TNN: variants seen among roughly 807,000 people sequenced by gnomAD.
The protein encoded by TNN is tenascin N, also known as tenascin-N.
A neutral mutation model predicts 134.4 loss-of-function variants in TNN; 122 were observed. The observed-to-expected ratio is 0.91, with a 90% CI of 0.78 to 1.06. The LOEUF (loss-of-function observed/expected upper bound fraction) is 1.06, where lower values mean the gene tolerates loss of function less well. TNN is among the 50% of genes least tolerant of loss of function. The probability of loss-of-function intolerance (pLI) is 0.00; values close to 1 mark genes in which losing one functional copy is unlikely to be tolerated. For synonymous variants in TNN, 710 were observed against 670.3 expected (o/e 1.06, Z -0.91); for missense variants, 1,739 against 1,699.4 (o/e 1.02, Z -0.41).
intron 16 of TNN, 106 bp downstream of exon 16, chr1:175,136,047 A>G: frequency 2.6e-6 from 2 of 777,586 alleles, no homozygotes; most frequent in Non-Finnish European, 4.5e-6. Context: ...GAGAGGCCCC[A>G]GTGGCAGGGA....
At chr1:175,143,895 C>T (rs190982703) in intron 17 of TNN, among the ~76,000 whole-genome samples, 7 of 151,426 alleles carry the variant, frequency 4.6e-5, no homozygotes, top group African/African-American at 7.3e-5. Context: ...GAGAGAAGGC[C>T]GAGGGTGGCT....
At chr1:175,117,323 G>A in intron 10 of TNN, 118 bp downstream of exon 10, 1 of 1,528,790 alleles carries the variant, frequency 6.5e-7, no homozygotes, top group Non-Finnish European at 8.8e-7. Flanking sequence ...GAGTGGGATG[G>A]CATCCCTTCA....
chr1:175,116,713 T>C lies in TNN; in HGVS notation c.2120-226T>C, dbSNP rs1675174653. Among the ~76,000 whole-genome samples the C allele has an allele frequency of 2.0e-5, 3 of 152,212 alleles. No individual in the cohort carries two copies. In the South Asian group the frequency reaches 6.2e-4, roughly 32 times the overall value. On this transcript the variant is annotated intron_variant, in intron 9 of 18. Transcript: ENST00000239462. ...TGGGCTGGAACTAGAACCCAGTGCT[T>C]CTGACTTTGGATTTAGTTCTCATAC...
rs548527144 is a variant in TNN, at chr1:175,089,400, C to T, written c.1324+3906C>T. On this transcript the variant is annotated intron_variant, in intron 6 of 18. Transcript: ENST00000239462. ...ACATGCTCAAAGTGCGCTGGAACAC[C>T]TTCCAGAAAGGCCAGCCTCAGAAGC... Among the ~76,000 whole-genome samples the T allele has an allele frequency of 2.0e-3, 311 of 152,316 alleles. 3 individuals carry two copies. The highest frequency in any genetic ancestry group is 7.3e-3 in the African/African-American group (303 of 41,572).
chr1:175,091,809 C>T (rs1229318118), intron 6 of TNN, among the ~76,000 whole-genome samples: 3 of 152,076 alleles, frequency 2.0e-5, no homozygotes, highest in Admixed American at 6.5e-5. Flanking sequence ...AGGCTAGTCT[C>T]GAACTCCTGG....
At chr1:175,116,839 C>T in intron 9 of TNN, 100 bp from the exon 10 acceptor site, 1 of 1,515,302 alleles carries the variant, frequency 6.6e-7, no homozygotes, top group Non-Finnish European at 9.1e-7. Flanking sequence ...TATGGAGAAA[C>T]CATAAGAACA....
chr1:175,127,972 A>G, intron 13 of TNN, 60 bp from the exon 14 acceptor site: 1 of 1,597,056 alleles, frequency 6.3e-7, no homozygotes, highest in Non-Finnish European at 8.6e-7. Context: ...GTTGACACCT[A>G]GGGTGCTAGT....
At chr1:175,117,972 A>G (rs1180325832) in intron 10 of TNN, among the ~76,000 whole-genome samples, 1 of 152,220 alleles carries the variant, frequency 6.6e-6, no homozygotes, top group Non-Finnish European at 1.5e-5. Flanking sequence ...AATCTATGAT[A>G]TGCTAGAGAA....
chr1:175,116,581 C>T (rs1440484233), intron 9 of TNN, among the ~76,000 whole-genome samples: 2 of 152,198 alleles, frequency 1.3e-5, no homozygotes, highest in Non-Finnish European at 2.9e-5. Context: ...GAAGCTGAGG[C>T]CCAGCCAGGA....
At chr1:175,140,910 C>T (rs1351998388) in intron 17 of TNN, among the ~76,000 whole-genome samples, 1 of 152,162 alleles carries the variant, frequency 6.6e-6, no homozygotes, top group African/African-American at 2.4e-5. Context: ...AATGCTGAGG[C>T]ACTGTTTAGA....
At position 175,136,968 on chromosome 1, in the gene TNN, G is replaced by T; in HGVS notation, c.3575G>T (p.Gly1192Val). Reference protein sequence around the residue: ...SSKERYKLTVGKYRGTAGDAL... With the variant: ...SSKERYKLTVVKYRGTAGDAL... The stretch of plus-strand genomic sequence containing the variant: ...AAGGAGCGGTATAAGCTGACAGTTG[G>T]GAAATACAGAGGCACGGCAGGTGAG... The change falls in exon 17 of 19, where the codon GGG (glycine) becomes GTG (valine). Residue 1192 changes from glycine (G) to valine (V), a missense_variant. Coordinates refer to ENST00000239462, the MANE Select transcript of TNN (RefSeq NM_022093.2). The T allele has an allele frequency of 6.2e-7, 1 of 1,614,066 alleles. No individual in the cohort carries two copies. Among genetic ancestry groups the T allele is most frequent in the East Asian group, 2.2e-5 (1 of 44,890 alleles).
Position 175,080,407 on chromosome 1 carries a change from G to A in TNN, c.1029G>A (p.Gln343=), listed in dbSNP as rs1012652409. 7 of 1,614,088 alleles carry A rather than the reference G, an allele frequency of 4.3e-6. No individual in the cohort carries two copies. Among genetic ancestry groups the A allele is most frequent in the Non-Finnish European group, 5.9e-6 (7 of 1,179,978 alleles). Residue 343 remains glutamine, a synonymous_variant, in exon 4 of 19, where the codon CAG becomes CAA. Transcript: ENST00000239462. ...AGAATGAAGTTTCTAGCAGCCCACA[G>A]CATCTACTTGCCACCACAGGTGAGG... ...NVKNEVSSSP[Q]HLLATTDLAV...
Position 175,098,887 on chromosome 1 carries a change from A to G in TNN, c.2119+292A>G, listed in dbSNP as rs1462311303. Among the ~76,000 whole-genome samples, 3 of 152,148 alleles carry G rather than the reference A, an allele frequency of 2.0e-5. No homozygotes were observed. In the East Asian group the frequency reaches 5.8e-4, roughly 29 times the overall value. ...CACTAACTGCTTCTCCTTGACAAGG[A>G]GTAAATATTAAGAAGTAACTATCAT... On this transcript the variant is annotated intron_variant, in intron 9 of 18. Transcript: ENST00000239462.
At chr1:175,112,671 G>T (rs1472720971) in intron 9 of TNN, among the ~76,000 whole-genome samples, 1 of 123,000 alleles carries the variant, frequency 8.1e-6, no homozygotes, top group East Asian at 2.8e-4. Flanking sequence ...AGGCTGGAAT[G>T]CAGTGGTGTA....
intron 6 of TNN, among the ~76,000 whole-genome samples, chr1:175,086,726 T>C (rs1574144951): frequency 6.6e-6 from 1 of 152,220 alleles, no homozygotes; most frequent in East Asian, 1.9e-4. Flanking sequence ...AGTTGGGCAT[T>C]TATAATGGAG....
chr1:175,072,742 C>T (rs1450113801), intron 1 of TNN, among the ~76,000 whole-genome samples: 2 of 151,986 alleles, frequency 1.3e-5, no homozygotes, highest in South Asian at 2.1e-4. Flanking sequence ...AAAATCTGAG[C>T]GCAACTTGTG....
At chr1:175,072,436 C>T (rs979618218) in intron 1 of TNN, among the ~76,000 whole-genome samples, 1 of 152,226 alleles carries the variant, frequency 6.6e-6, no homozygotes, top group African/African-American at 2.4e-5. Flanking sequence ...AAATACCCCT[C>T]AGCAGAATAA....
At chr1:175,126,927 T>A (rs765933890) in intron 12 of TNN, 28 bp from the exon 13 acceptor site, 68 of 1,588,746 alleles carry the variant, frequency 4.3e-5, no homozygotes, top group Non-Finnish European at 5.6e-5. Context: ...ATCTTAGTAA[T>A]AACAATTACC....
chr1:175,104,038 G>A (rs1674793794), intron 9 of TNN, among the ~76,000 whole-genome samples: 1 of 145,808 alleles, frequency 6.9e-6, no homozygotes, highest in Admixed American at 6.9e-5. Context: ...CTCCAGCCTT[G>A]GCTAATATAT....
Sources: gnomAD v4.1 joint callset for allele counts (sites outside exome capture counted in the v4.1 genomes callset) on GRCh38, gnomAD v4.1.1 for gene constraint, MANE v1.5 for transcripts, NCBI Gene and HGNC (gene_info 2026-07-23, HGNC 2026-07-21) for gene names.